PLCH1: variants seen among roughly 807,000 people sequenced by gnomAD.
The protein encoded by PLCH1 is phospholipase C eta 1.
Under a neutral mutation model 126.7 loss-of-function variants are expected in PLCH1, and 60 were observed. The ratio of observed to expected loss-of-function variants is 0.47; its 90% CI spans 0.38 to 0.59. The LOEUF is 0.59. Ranked by LOEUF, PLCH1 falls within the 20% of genes least tolerant of loss-of-function variation. PLCH1 has a pLI of 0.00. For synonymous variants in PLCH1, 719 were observed against 734.9 expected, an observed-to-expected ratio of 0.98 and a Z score of 0.35; for missense variants, 1,723 against 2,040.0, an observed-to-expected ratio of 0.84 and a Z score of 2.99.
chr3:155,583,466 T>C lies in PLCH1; in HGVS notation c.771+6A>G. The C allele has an allele frequency of 1.3e-6, 2 of 1,593,656 alleles. No homozygotes were observed. Among genetic ancestry groups the C allele is most frequent in the South Asian group, 2.3e-5 (2 of 87,670 alleles). On this transcript the variant is annotated splice_donor_region_variant and intron_variant, in intron 6 of 22. Transcript: ENST00000460012. The stretch of plus-strand genomic sequence containing the variant: ...GTAAACTTTCATTTTAACAGTCTAA[T>C]GATACCTTTTGCTCCACCTTCAAAA...
intron 12 of PLCH1, among the ~76,000 whole-genome samples, chr3:155,510,221 C>T (rs1363288838): frequency 9.1e-6 from 1 of 110,184 alleles, no homozygotes; most frequent in African/African-American, 4.4e-5. Context: ...GATCTTCCTC[C>T]ATCCTTTTAT....
intron 2 of PLCH1, among the ~76,000 whole-genome samples, chr3:155,638,277 C>T (rs1738968938): frequency 6.6e-6 from 1 of 152,182 alleles, no homozygotes. Flanking sequence ...TATTCTACTA[C>T]CCACTATCAC....
At chr3:155,577,495 G>A (rs1311590905) in intron 6 of PLCH1, among the ~76,000 whole-genome samples, 1 of 151,710 alleles carries the variant, frequency 6.6e-6, no homozygotes, top group Non-Finnish European at 1.5e-5. Context: ...ATTTTGTGGT[G>A]CTTAATAAAG....
chr3:155,575,300 A>G (rs1390530253), intron 6 of PLCH1, among the ~76,000 whole-genome samples: 1 of 152,212 alleles, frequency 6.6e-6, no homozygotes, highest in Non-Finnish European at 1.5e-5. Context: ...AGAGAAGATT[A>G]GAATGATTAG....
intron 12 of PLCH1, among the ~76,000 whole-genome samples, chr3:155,511,329 T>C (rs2108213138): frequency 1.5e-5 from 2 of 134,000 alleles, no homozygotes; most frequent in East Asian, 4.1e-4. Flanking sequence ...AGTAATTTGA[T>C]CGTCTGAAGC....
At position 155,500,689 on chromosome 3, in the gene PLCH1, A is replaced by G; in HGVS notation, c.1796+14T>C. On this transcript the variant is annotated intron_variant, in intron 14 of 22. Coordinates refer to ENST00000460012, the MANE Select transcript of PLCH1 (RefSeq NM_014996.4). ...TCAGGAGTGTGAGTAGGAAACATGG[A>G]GATGCTTTCTTACCTGTACAGCTGG... 6.5e-7 allele frequency: 1 copy of G among 1,539,264 alleles called. No individual in the cohort carries two copies. Among genetic ancestry groups the G allele is most frequent in the Non-Finnish European group, 9.0e-7 (1 of 1,112,594 alleles).
intron 2 of PLCH1, among the ~76,000 whole-genome samples, chr3:155,675,477 C>T (rs994811686): frequency 1.3e-5 from 2 of 152,156 alleles, no homozygotes; most frequent in Non-Finnish European, 2.9e-5. Context: ...TTTATCTGTG[C>T]TAAATACTTC....
At chr3:155,475,107 T>C (rs1278763263), downstream of PLCH1, among the ~76,000 whole-genome samples, 1 of 150,010 alleles carries the variant, frequency 6.7e-6, no homozygotes, top group African/African-American at 2.4e-5. Context: ...AATGGAATAA[T>C]ATCAAGCATC....
At chr3:155,711,566 T>A (rs781442754) in intron 1 of PLCH1, among the ~76,000 whole-genome samples, 3 of 152,100 alleles carry the variant, frequency 2.0e-5, no homozygotes, top group Admixed American at 6.6e-5. Context: ...TTAAGAAAAC[T>A]CCACCACAGT....
chr3:155,659,062 C>T (rs1741779020), intron 2 of PLCH1, among the ~76,000 whole-genome samples: 1 of 152,176 alleles, frequency 6.6e-6, no homozygotes, highest in African/African-American at 2.4e-5. Context: ...GCCACATCAT[C>T]ACTGTTTGGA....
intron 2 of PLCH1, among the ~76,000 whole-genome samples, chr3:155,629,175 T>C (rs949212231): frequency 6.6e-6 from 1 of 152,214 alleles, no homozygotes. Context: ...CAAATACTAG[T>C]TTCTTTCCAT....
At chr3:155,538,368 T>G (rs1723731870) in intron 10 of PLCH1, among the ~76,000 whole-genome samples, 1 of 151,606 alleles carries the variant, frequency 6.6e-6, no homozygotes, top group African/African-American at 2.4e-5. Flanking sequence ...CAACCCCAAA[T>G]TCAGCAGAAG....
chr3:155,611,803 T>C (rs1202761426), intron 2 of PLCH1, among the ~76,000 whole-genome samples: 1 of 152,140 alleles, frequency 6.6e-6, no homozygotes, highest in Admixed American at 6.5e-5. Context: ...AAAATAAAAA[T>C]TATACCATGT....
At chr3:155,524,039 G>A in intron 10 of PLCH1, 35 bp from the exon 11 acceptor site, 1 of 1,273,490 alleles carries the variant, frequency 7.9e-7, no homozygotes, top group Non-Finnish European at 1.1e-6. Context: ...TTAAAAATGA[G>A]AATAAATTCA....
intron 2 of PLCH1, among the ~76,000 whole-genome samples, chr3:155,638,143 T>A (rs1738953704): frequency 6.6e-6 from 1 of 152,216 alleles, no homozygotes; most frequent in East Asian, 1.9e-4. Context: ...CCAAATGATG[T>A]TTTTAAGTGT....
intron 10 of PLCH1, among the ~76,000 whole-genome samples, chr3:155,545,097 G>C (rs1211077284): frequency 6.6e-6 from 1 of 151,836 alleles, no homozygotes; most frequent in Non-Finnish European, 1.5e-5. Context: ...ATGAATCCAG[G>C]AGCTGGTTTT....
At chr3:155,722,869 G>A (rs935636892) in intron 1 of PLCH1, among the ~76,000 whole-genome samples, 2 of 152,068 alleles carry the variant, frequency 1.3e-5, no homozygotes, top group African/African-American at 4.8e-5. Context: ...TCTTTCTCTA[G>A]CTTTTGGAAT....
At chr3:155,500,925 T>C in intron 13 of PLCH1, 131 bp from the exon 14 acceptor site, 1 of 637,336 alleles carries the variant, frequency 1.6e-6, no homozygotes, top group Non-Finnish European at 2.8e-6. Context: ...TGACCAAATA[T>C]TGCAGCTTGC....
intron 1 of PLCH1, among the ~76,000 whole-genome samples, chr3:155,739,521 C>A (rs1410636506): frequency 6.6e-6 from 1 of 152,058 alleles, no homozygotes; most frequent in African/African-American, 2.4e-5. Context: ...CCTGAATTTA[C>A]AACCTCCTAA....
Sources: gnomAD v4.1 joint callset for allele counts (sites outside exome capture counted in the v4.1 genomes callset) on GRCh38, gnomAD v4.1.1 for gene constraint, MANE v1.5 for transcripts, NCBI Gene and HGNC (gene_info 2026-07-23, HGNC 2026-07-21) for gene names.